Variants in PACSIN2 observed in about 807,000 individuals in gnomAD.
PACSIN2 encodes protein kinase C and casein kinase substrate in neurons 2.
In PACSIN2, 25 loss-of-function variants were observed where a neutral mutation model predicts 63.8. The observed-to-expected ratio is 0.39, with a 90% confidence interval of 0.29 to 0.55. The LOEUF (loss-of-function observed/expected upper bound fraction) is 0.55, where lower values mean the gene tolerates loss of function less well. Ranked by LOEUF, PACSIN2 falls within the 20% of genes least tolerant of loss-of-function variation. The pLI is 0.62. For missense variants in PACSIN2, 518 were observed against 646.9 expected (o/e 0.80, Z 2.16); for synonymous variants, 255 against 256.2 (o/e 1.00, Z 0.05).
chr22:42,948,971 T>C (rs1252981255), intron 1 of PACSIN2, among the ~76,000 whole-genome samples: 1 of 152,134 alleles, frequency 6.6e-6, no homozygotes, highest in Admixed American at 6.5e-5. Flanking sequence ...AAATCAAGCA[T>C]AAAATTAATA....
intron 1 of PACSIN2, among the ~76,000 whole-genome samples, chr22:42,959,161 G>A (rs1546861): frequency 0.61 from 92,411 of 151,964 alleles, 28,728 homozygotes; most frequent in East Asian, 0.78. Context: ...TCCTGGAGCG[G>A]TGGCAGGTGA....
chr22:42,949,462 G>A (rs144633087), intron 1 of PACSIN2, among the ~76,000 whole-genome samples: 155 of 151,852 alleles, frequency 1.0e-3, no homozygotes, highest in Non-Finnish European at 1.8e-3. Context: ...ACACACGCGC[G>A]CGCACGCACA....
At chr22:42,933,124 C>CTAT in intron 1 of PACSIN2, among the ~76,000 whole-genome samples, 1 of 152,226 alleles carries the variant, frequency 6.6e-6, no homozygotes. Context: ...AGAACCTAGT[C>CTAT]TATTATTATC....
At chr22:42,918,060 A>G (rs5759034) in intron 1 of PACSIN2, among the ~76,000 whole-genome samples, 31,618 of 152,156 alleles carry the variant, frequency 0.21, 5,556 homozygotes, top group East Asian at 0.73. Flanking sequence ...GTGAGGGTCA[A>G]CTGAGAAGGA....
At position 42,942,252 on chromosome 22, in the gene PACSIN2, T is replaced by G. The variant is rs532149817; in HGVS notation, c.-77-30095A>C. Among the ~76,000 whole-genome samples the G allele has an allele frequency of 1.2e-4, 19 of 152,262 alleles. 1 individual carries two copies. The highest frequency in any genetic ancestry group is 7.8e-4 in the Admixed American group (12 of 15,300). ...AATGCACCCACCCAAGAGTTCTTTA[T>G]GTATTCAAGGTATCTTTATCAGATA... On this transcript the variant is annotated intron_variant, in intron 1 of 10. Coordinates refer to ENST00000263246, the MANE Select transcript of PACSIN2 (RefSeq NM_001184970.3).
At chr22:42,919,721 C>T (rs745648529) in intron 1 of PACSIN2, among the ~76,000 whole-genome samples, 7 of 129,014 alleles carry the variant, frequency 5.4e-5, no homozygotes, top group Admixed American at 1.9e-4. Flanking sequence ...TGTAGTGAGC[C>T]GAGATTGCAC....
At chr22:42,907,520 T>C (rs1245903096) in intron 2 of PACSIN2, among the ~76,000 whole-genome samples, 1 of 152,256 alleles carries the variant, frequency 6.6e-6, no homozygotes, top group East Asian at 1.9e-4. Flanking sequence ...GCGCACCCTG[T>C]CCCGAGGAGC....
chr22:42,919,096 G>A (rs1045710581), intron 1 of PACSIN2, among the ~76,000 whole-genome samples: 1 of 152,128 alleles, frequency 6.6e-6, no homozygotes, highest in Non-Finnish European at 1.5e-5. Flanking sequence ...GGAGCCTTTG[G>A]AAATCAATTT....
rs149319065 is a variant in PACSIN2 at position 42,927,299 on chromosome 22, A to T, written c.-77-15142T>A. Among the ~76,000 whole-genome samples, 91 of 151,676 alleles carry T rather than the reference A, an allele frequency of 6.0e-4. 1 individual carries two copies. The highest frequency in any genetic ancestry group is 2.1e-3 in the African/African-American group (87 of 41,244). ...CTCGCTCTGTTGCCCAGACTGGAGCACAGTGGCACGATCTTAGCTAACTGC... is the reference window on the plus strand; with the variant it reads ...CTCGCTCTGTTGCCCAGACTGGAGCTCAGTGGCACGATCTTAGCTAACTGC... On this transcript the variant is annotated intron_variant, in intron 1 of 10. Transcript: ENST00000263246.
intron 1 of PACSIN2, among the ~76,000 whole-genome samples, chr22:43,010,398 A>ATATATATATAT: frequency 7.9e-6 from 1 of 126,396 alleles, no homozygotes; most frequent in African/African-American, 2.8e-5. Flanking sequence ...ATATATATAT[A>ATATATATATAT]TTTTTTTTTA....
At chr22:42,914,179 T>G (rs1305055141) in intron 1 of PACSIN2, among the ~76,000 whole-genome samples, 1 of 152,128 alleles carries the variant, frequency 6.6e-6, no homozygotes, top group African/African-American at 2.4e-5. Flanking sequence ...TCTGAACCAC[T>G]AGGATTCACA....
rs140117606 is a variant in PACSIN2, at chr22:42,871,963, A to G, written c.1349-494T>C. 1.3e-5 allele frequency among the ~76,000 whole-genome samples: 2 copies of G among 152,256 alleles called. No individual in the cohort carries two copies. Among genetic ancestry groups the G allele is most frequent in the Middle Eastern group, 3.4e-3 (1 of 294 alleles). On this transcript the variant is annotated intron_variant, in intron 10 of 10. Transcript: ENST00000263246. The surrounding 1 kb of genome is among the most constrained non-coding windows in gnomAD (Gnocchi z 5.4). ...GGGGAAGGGACCATGTCTGACAGTC[A>G]TACCTGTCATTTTATCCCCAGCACC...
At chr22:42,919,277 AGGCAGTACAACATG>A (rs1464288600) in intron 1 of PACSIN2, among the ~76,000 whole-genome samples, 2 of 152,290 alleles carry the variant, frequency 1.3e-5, no homozygotes, top group East Asian at 3.9e-4. Flanking sequence ...CTTGTCTGTA[AGGCAGTACAACATG>A]GGCTCTCATT....
At chr22:42,902,420 C>A (rs117551605) in intron 2 of PACSIN2, among the ~76,000 whole-genome samples, 2,797 of 152,226 alleles carry the variant, frequency 0.018, 33 homozygotes, top group East Asian at 0.029. Flanking sequence ...GTTCTGAGGG[C>A]AACTACTATG....
chr22:42,952,235 G>A (rs1307440950), intron 1 of PACSIN2, among the ~76,000 whole-genome samples: 1 of 152,162 alleles, frequency 6.6e-6, no homozygotes, highest in Admixed American at 6.5e-5. Flanking sequence ...ATGAGTCAAG[G>A]AATGACAGAG....
At chr22:42,970,571 G>A (rs1921179628) in intron 1 of PACSIN2, among the ~76,000 whole-genome samples, 1 of 152,154 alleles carries the variant, frequency 6.6e-6, no homozygotes, top group Admixed American at 6.5e-5. Context: ...TGCACATATA[G>A]AATTCTTGTA....
At chr22:43,003,334 C>T (rs188901599) in intron 1 of PACSIN2, among the ~76,000 whole-genome samples, 8 of 152,220 alleles carry the variant, frequency 5.3e-5, no homozygotes, top group East Asian at 3.9e-4. Flanking sequence ...CGGCTGGGCG[C>T]GGTGGCTCAC....
chr22:42,894,727 C>T (rs1930158427), intron 2 of PACSIN2, among the ~76,000 whole-genome samples: 1 of 152,112 alleles, frequency 6.6e-6, no homozygotes, highest in African/African-American at 2.4e-5. Flanking sequence ...CGAAAATGTT[C>T]GATATGTTTC....
At chr22:42,907,867 C>T (rs1931191286) in intron 2 of PACSIN2, among the ~76,000 whole-genome samples, 1 of 152,206 alleles carries the variant, frequency 6.6e-6, no homozygotes, top group South Asian at 2.1e-4. Context: ...GAAAGTATCA[C>T]TCCACATGGA....
Sources: gnomAD v4.1 joint callset for allele counts (sites outside exome capture counted in the v4.1 genomes callset) on GRCh38, gnomAD v4.1.1 for gene constraint, Gnocchi (gnomAD v3.1) non-coding constraint, MANE v1.5 for transcripts, NCBI Gene and HGNC (gene_info 2026-07-23, HGNC 2026-07-21) for gene names.